Variants in AFF2 observed in about 807,000 individuals in gnomAD.
AFF2 encodes AF4/FMR2 family member 2.
AFF2 carries 14 observed loss-of-function variants against 76.9 expected under a neutral mutation model. The observed-to-expected ratio is 0.18, with a 90% CI of 0.12 to 0.28. The LOEUF (loss-of-function observed/expected upper bound fraction) is 0.28. Among genes scored for constraint, AFF2 ranks in the 10% least tolerant of loss-of-function variants. The pLI is 1.00. For synonymous variants in AFF2, 398 were observed against 366.7 expected (o/e 1.09, Z -0.98); for missense variants, 868 against 1,001.1 (o/e 0.87, Z 1.79).
chrX:148,890,927 T>G (rs1326768630), intron 8 of AFF2, among the ~76,000 whole-genome samples: 2 of 112,418 alleles, frequency 1.8e-5, no homozygotes, highest in East Asian at 5.6e-4. Context: ...TAGTGCTATG[T>G]ACTTAGTGTC....
intron 3 of AFF2, among the ~76,000 whole-genome samples, chrX:148,724,190 A>G (rs2055128436): frequency 9.0e-6 from 1 of 110,892 alleles, no homozygotes; most frequent in Admixed American, 9.6e-5. Context: ...AGCATGATCT[A>G]TTGTATCTTT....
intron 1 of AFF2, among the ~76,000 whole-genome samples, chrX:148,544,786 C>A (rs782536782): frequency 1.8e-5 from 2 of 111,780 alleles, no homozygotes; most frequent in South Asian, 7.7e-4. Flanking sequence ...CTGGCAGGAT[C>A]TGTTGGTACT....
chrX:148,851,827 A>G (rs1345856775), intron 7 of AFF2, among the ~76,000 whole-genome samples: 1 of 110,448 alleles, frequency 9.1e-6, no homozygotes, highest in Non-Finnish European at 1.9e-5. Flanking sequence ...TCAACAAGTT[A>G]TAAAGCCCAG....
intron 3 of AFF2, among the ~76,000 whole-genome samples, chrX:148,670,745 A>G (rs1230553818): frequency 8.9e-6 from 1 of 112,062 alleles, no homozygotes; most frequent in African/African-American, 3.2e-5. Context: ...ACAAGAAAGG[A>G]CATCTCAATT....
intron 1 of AFF2, among the ~76,000 whole-genome samples, chrX:148,583,599 G>A (rs1393331484): frequency 1.8e-5 from 2 of 111,486 alleles, no homozygotes; most frequent in African/African-American, 6.5e-5. Flanking sequence ...ATATGCATAT[G>A]TATATACACA....
At chrX:148,668,238 G>A (rs1444350326) in intron 3 of AFF2, among the ~76,000 whole-genome samples, 2 of 113,285 alleles carry the variant, frequency 1.8e-5, no homozygotes, top group Non-Finnish European at 3.7e-5. Context: ...CTCTGCCCCT[G>A]TGGCTTTGCA....
intron 13 of AFF2, among the ~76,000 whole-genome samples, chrX:148,963,594 T>C (rs1449879301): frequency 1.8e-5 from 2 of 112,571 alleles, no homozygotes; most frequent in Non-Finnish European, 3.8e-5. Context: ...AGGCATGAAG[T>C]CCTGTTTATT....
intron 3 of AFF2, among the ~76,000 whole-genome samples, chrX:148,808,863 C>T (rs1382871398): frequency 1.8e-5 from 2 of 111,813 alleles, no homozygotes; most frequent in Admixed American, 1.9e-4. Flanking sequence ...TCTTCATTTA[C>T]CCAAGTATAG....
chrX:148,807,890 T>G (rs781864452), intron 3 of AFF2, among the ~76,000 whole-genome samples: 2 of 112,587 alleles, frequency 1.8e-5, no homozygotes, highest in Non-Finnish European at 3.7e-5. Flanking sequence ...CATATAAACA[T>G]GTTAGACCAG....
intron 20 of AFF2, among the ~76,000 whole-genome samples, chrX:148,989,453 A>G (rs1455927834): frequency 1.8e-5 from 2 of 112,324 alleles, no homozygotes; most frequent in Non-Finnish European, 3.8e-5. Flanking sequence ...ATCTTGAATG[A>G]AAACAACTCC....
chrX:148,879,681 C>T (rs1462593701), intron 7 of AFF2, among the ~76,000 whole-genome samples: 2 of 110,794 alleles, frequency 1.8e-5, no homozygotes, highest in Non-Finnish European at 3.8e-5. Context: ...AGTCCAATAA[C>T]ACTTTATTTA....
chrX:148,807,520 G>A (rs1371279028), intron 3 of AFF2, among the ~76,000 whole-genome samples: 2 of 111,953 alleles, frequency 1.8e-5, no homozygotes, highest in South Asian at 3.7e-4. Flanking sequence ...AAGTGGTAGG[G>A]CCAGGACTCC....
At chrX:148,580,908 A>G (rs782100606) in intron 1 of AFF2, among the ~76,000 whole-genome samples, 1 of 93,525 alleles carries the variant, frequency 1.1e-5, no homozygotes, top group South Asian at 6.3e-4. Flanking sequence ...AGAATCATGG[A>G]AAGAATTCTC....
At chrX:148,833,884 A>G (rs2070487152) in intron 4 of AFF2, among the ~76,000 whole-genome samples, 1 of 112,113 alleles carries the variant, frequency 8.9e-6, no homozygotes, top group South Asian at 3.7e-4. Flanking sequence ...CTATTCAGGT[A>G]GCTGTGTGTT....
chrX:148,581,164 C>CAT (rs2053369850), intron 1 of AFF2, among the ~76,000 whole-genome samples: 5 of 86,757 alleles, frequency 5.8e-5, no homozygotes, highest in Admixed American at 3.9e-4. Context: ...TACGTATACA[C>CAT]ACATACATAT....
chrX:148,848,299 C>A (rs146049096), intron 7 of AFF2, among the ~76,000 whole-genome samples: 1,373 of 111,797 alleles, frequency 0.012, 26 homozygotes, highest in African/African-American at 0.042. Flanking sequence ...ATGAAAATTT[C>A]ATTACCAAAG....
chrX:148,805,861 C>T (rs2070124416), intron 3 of AFF2, among the ~76,000 whole-genome samples: 1 of 112,435 alleles, frequency 8.9e-6, no homozygotes, highest in Admixed American at 9.4e-5. Flanking sequence ...GGACCACATC[C>T]GTGCCCAGCA....
intron 3 of AFF2, among the ~76,000 whole-genome samples, chrX:148,755,797 T>A (rs1411191912): frequency 6.3e-5 from 7 of 111,934 alleles, no homozygotes; most frequent in Non-Finnish European, 1.3e-4. Context: ...ATGAGATGTT[T>A]CATAAATTTT....
chrX:148,560,624 A>C (rs180925317), intron 1 of AFF2, among the ~76,000 whole-genome samples: 1 of 111,984 alleles, frequency 8.9e-6, no homozygotes, highest in African/African-American at 3.2e-5. Context: ...AAATTTTTGC[A>C]ATCTATTCAT....
Sources: allele counts gnomAD v4.1 joint callset (sites outside exome capture counted in the v4.1 genomes callset), GRCh38; gene constraint gnomAD v4.1.1; transcripts MANE v1.5; gene names NCBI Gene and HGNC (gene_info 2026-07-23, HGNC 2026-07-21).